The following PAX2 variants were observed in gnomAD, a reference collection of about 807,000 sequenced individuals.
PAX2 encodes the protein paired box 2.
In PAX2, 9 loss-of-function variants were observed where a neutral mutation model predicts 41.7. The observed-to-expected ratio is 0.22, with a 90% CI of 0.13 to 0.38. The LOEUF is 0.38. PAX2 is among the 10% of genes least tolerant of loss of function. The pLI, the probability that PAX2 is intolerant of heterozygous loss-of-function variation, is 1.00. For missense variants in PAX2, 418 were observed against 531.6 expected (o/e 0.79, Z 2.10); for synonymous variants, 221 against 212.7 (o/e 1.04, Z -0.34).
intron 3 of PAX2, among the ~76,000 whole-genome samples, chr10:100,766,636 CAAG>C (rs1286894854): frequency 6.6e-6 from 1 of 152,154 alleles, no homozygotes; most frequent in Non-Finnish European, 1.5e-5. Context: ...CATTTGCTTC[CAAG>C]AAGAATAGAA....
rs74642533 is a variant in PAX2 at position 100,816,561 on chromosome 10, C to G, written c.919+7325C>G. 6.5e-3 allele frequency among the ~76,000 whole-genome samples: 983 copies of G among 152,252 alleles called. 14 individuals are homozygous for G. The highest frequency in any genetic ancestry group is 0.023 in the African/African-American group (937 of 41,556). On this transcript the variant is annotated intron_variant, in intron 7 of 9. Transcript: ENST00000355243. ...CAGAAATGTCTCAGTGGCCTCAAAG[C>G]CACCTAGGCAAGACCTGAAAACCTG...
Position 100,827,305 on chromosome 10 carries a change from C to T in PAX2, c.1108+210C>T, listed in dbSNP as rs919460495. Among the ~76,000 whole-genome samples, 3 of 152,200 alleles carry T rather than the reference C, an allele frequency of 2.0e-5. No individual in the cohort carries two copies. On this transcript the variant is annotated intron_variant, in intron 9 of 9. Coordinates refer to ENST00000355243, the MANE Select transcript of PAX2 (RefSeq NM_000278.5). The surrounding 1 kb of genome is among the most constrained non-coding windows in gnomAD (Gnocchi z 8.5). ...TGGTCGCTCGAAGGCTCTGCGCCGC[C>T]CTCGCCCTCGGATCCCCTGGAGGGT...
chr10:100,779,906 C>T lies in PAX2; in HGVS notation c.496+323C>T, dbSNP rs561442344. Among the ~76,000 whole-genome samples the T allele has an allele frequency of 1.1e-4, 17 of 152,144 alleles. 1 individual carries two copies. In the South Asian group the frequency reaches 3.5e-3, roughly 32 times the overall value. On this transcript the variant is annotated intron_variant, in intron 4 of 9. Coordinates refer to ENST00000355243, the MANE Select transcript of PAX2 (RefSeq NM_000278.5). ...CTTCTTCTCCTCCTCCTGCTTCCCT[C>T]TCCCTCATTCTCCAACATCTTTTGT...
At chr10:100,767,714 G>A (rs1176283669) in intron 3 of PAX2, among the ~76,000 whole-genome samples, 3 of 152,158 alleles carry the variant, frequency 2.0e-5, no homozygotes, top group Non-Finnish European at 2.9e-5. Flanking sequence ...TTATTCAATA[G>A]CAGGAACATG....
chr10:100,800,269 C>CTTCCTTTTTTTTT (rs1564733635), intron 5 of PAX2, among the ~76,000 whole-genome samples: 1 of 41,272 alleles, frequency 2.4e-5, no homozygotes, highest in African/African-American at 5.4e-5. Context: ...CTTTTCTTTT[C>CTTCCTTTTTTTTT]TTTCTTTTTT....
In PAX2 at chr10:100,827,601, T is replaced by C. The variant is rs1848623670; in HGVS notation, c.1167T>C (p.Ala389=). The change falls in exon 10 of 10, where the codon GCT becomes GCC. Residue 389 remains alanine (A), a synonymous_variant. Transcript: ENST00000355243. This position sits in a 1 kb window ranked among gnomAD's most constrained non-coding sequence, Gnocchi z 8.5. Reference sequence around the variant, plus strand: ...GCTCCGCCCCTGCCGCTGCTGCCGCTGCCTATGACCGCCACTAGTTACCGC... The same window carrying C: ...GCTCCGCCCCTGCCGCTGCTGCCGCCGCCTATGACCGCCACTAGTTACCGC... ...PRGSAPAAAA[A]AYDRH 6.2e-7 allele frequency: 1 copy of C among 1,613,800 alleles called. No individual in the cohort carries two copies. The highest frequency in any genetic ancestry group is 1.7e-5 in the Admixed American group (1 of 60,032).
At chr10:100,797,641 G>A (rs1319219055) in intron 5 of PAX2, among the ~76,000 whole-genome samples, 3 of 152,184 alleles carry the variant, frequency 2.0e-5, no homozygotes, top group Non-Finnish European at 2.9e-5. Context: ...AACTGGATCT[G>A]TTTTAGTTAT....
Position 100,826,796 on chromosome 10 carries a change from C to T in PAX2, c.1022-213C>T, listed in dbSNP as rs942293904. Among the ~76,000 whole-genome samples the T allele has an allele frequency of 6.6e-6, 1 of 152,196 alleles. No individual in the cohort carries two copies. Among genetic ancestry groups the T allele is most frequent in the Non-Finnish European group, 1.5e-5 (1 of 68,022 alleles). ...CAGGTCCCGCCCGTGGGTGTGCGAGCGCGTCGGTGCCTCCCGCCTCCCCGG... is the reference window on the plus strand; with the variant it reads ...CAGGTCCCGCCCGTGGGTGTGCGAGTGCGTCGGTGCCTCCCGCCTCCCCGG... On this transcript the variant is annotated intron_variant, in intron 8 of 9. Transcript: ENST00000355243. The surrounding 1 kb of genome is among the most constrained non-coding windows in gnomAD (Gnocchi z 5.5).
At chr10:100,749,340 G>A (rs1845343278) in intron 1 of PAX2, 1 of 1,010,904 alleles carries the variant, frequency 9.9e-7, no homozygotes, top group Non-Finnish European at 1.2e-6. Flanking sequence ...GGTTGCCTGC[G>A]GCGCAGGCGG....
chr10:100,774,269 TG>T (rs1285870006), intron 3 of PAX2, among the ~76,000 whole-genome samples: 1 of 152,088 alleles, frequency 6.6e-6, no homozygotes, highest in African/African-American at 2.4e-5. Flanking sequence ...TGGTGAGAGG[TG>T]GGGGTCTTCC....
chr10:100,780,448 T>C (rs1326028135), intron 4 of PAX2, among the ~76,000 whole-genome samples: 1 of 152,196 alleles, frequency 6.6e-6, no homozygotes, highest in Non-Finnish European at 1.5e-5. Flanking sequence ...TCCTTCTGTC[T>C]TGACCAGCAG....
intron 1 of PAX2, among the ~76,000 whole-genome samples, chr10:100,737,368 C>T (rs980683421): frequency 3.9e-5 from 6 of 152,248 alleles, no homozygotes; most frequent in Non-Finnish European, 7.3e-5. Flanking sequence ...CTCCACTTAC[C>T]CAGGGGCGCC....
In PAX2 at chr10:100,809,252, G is replaced by A. The variant is rs1847908903; in HGVS notation, c.919+16G>A. On this transcript the variant is annotated intron_variant, in intron 7 of 9. Transcript: ENST00000355243. ...GTTGTGACTGGTAAGGGGGCTTCCA[G>A]GAGGGTGGGGGCACTGCGTTCAGTG... 1 of 1,611,560 alleles carries A rather than the reference G, an allele frequency of 6.2e-7. No homozygotes were observed. The highest frequency in any genetic ancestry group is 1.3e-5 in the African/African-American group (1 of 74,880).
At chr10:100,779,622 C>T in intron 4 of PAX2, 39 bp downstream of exon 4, 1 of 1,476,040 alleles carries the variant, frequency 6.8e-7, no homozygotes, top group Non-Finnish European at 9.3e-7. Context: ...CCAGATCCCA[C>T]CTAGAGAAAG....
intron 7 of PAX2, among the ~76,000 whole-genome samples, chr10:100,823,501 C>T (rs1848436890): frequency 6.6e-6 from 1 of 152,020 alleles, no homozygotes; most frequent in Admixed American, 6.6e-5. Context: ...TGACTATGGC[C>T]CAGCTGATGA....
chr10:100,823,135 T>C (rs1242436501), intron 7 of PAX2, among the ~76,000 whole-genome samples: 1 of 152,202 alleles, frequency 6.6e-6, no homozygotes, highest in Non-Finnish European at 1.5e-5. Flanking sequence ...CAATACTTGG[T>C]GACTGACTTC....
At chr10:100,742,460 T>C (rs1844994164), upstream of PAX2, among the ~76,000 whole-genome samples, 1 of 151,442 alleles carries the variant, frequency 6.6e-6, no homozygotes, top group Non-Finnish European at 1.5e-5. Context: ...GAGGCAAGGT[T>C]GGGGGCCGCC....
chr10:100,823,729 G>C (rs11595703), intron 7 of PAX2, among the ~76,000 whole-genome samples: 42,140 of 151,966 alleles, frequency 0.28, 6,837 homozygotes, highest in African/African-American at 0.44. Context: ...TTAGAGATCA[G>C]AGCATGCTAA....
At chr10:100,810,487 G>C (rs764250095) in intron 7 of PAX2, among the ~76,000 whole-genome samples, 1 of 152,206 alleles carries the variant, frequency 6.6e-6, no homozygotes, top group Admixed American at 6.5e-5. Context: ...ACCTTAGCTG[G>C]GTTAGCTGGG....
Sources: gnomAD v4.1 joint callset for allele counts (sites outside exome capture counted in the v4.1 genomes callset) on GRCh38, gnomAD v4.1.1 for gene constraint, Gnocchi (gnomAD v3.1) non-coding constraint, MANE v1.5 for transcripts, NCBI Gene and HGNC (gene_info 2026-07-23, HGNC 2026-07-21) for gene names.